The following PDE1C variants were observed in gnomAD, a reference collection of about 807,000 sequenced individuals.
PDE1C encodes phosphodiesterase 1C, also known as dual specificity calcium/calmodulin-dependent 3',5'-cyclic nucleotide phosphodiesterase 1C.
Under a neutral mutation model 93.1 loss-of-function variants are expected in PDE1C, and 62 were observed. The observed-to-expected ratio is 0.67, with a 90% confidence interval of 0.54 to 0.82. The LOEUF (loss-of-function observed/expected upper bound fraction) is 0.82. Among genes scored for constraint, PDE1C ranks in the 40% least tolerant of loss-of-function variants. PDE1C has a pLI of 0.00. For missense variants in PDE1C, 742 were observed against 884.6 expected, an observed-to-expected ratio of 0.84 and a Z score of 2.04; for synonymous variants, 325 against 310.1, an observed-to-expected ratio of 1.05 and a Z score of -0.50.
chr7:31,850,817 A>G (rs1270547003), intron 7 of PDE1C, 76 bp from the exon 8 acceptor site: 9 of 1,010,240 alleles, frequency 8.9e-6, no homozygotes, highest in Non-Finnish European at 1.3e-5. Flanking sequence ...ACACACCCAC[A>G]GTGCTGCCTT....
chr7:32,371,819 G>T (rs1178200494), intron 1 of PDE1C, among the ~76,000 whole-genome samples: 1 of 152,056 alleles, frequency 6.6e-6, no homozygotes, highest in Non-Finnish European at 1.5e-5. Flanking sequence ...CTTTTTTGCA[G>T]AAATTAACAA....
chr7:31,942,105 C>T (rs187253077), intron 2 of PDE1C, among the ~76,000 whole-genome samples: 12 of 152,126 alleles, frequency 7.9e-5, no homozygotes, highest in African/African-American at 1.9e-4. Context: ...TTTTTTCATT[C>T]GCCTCTAAAG....
At position 31,819,755 on chromosome 7, in the gene PDE1C, A is replaced by G. The variant is rs114784478; in HGVS notation, c.1582+3318T>C. Reference sequence around the variant, plus strand: ...TTTCTTTGTCTTCCTGAATAATGATACTATAGGGTCTCAGTTAAAAACTGT... The same window carrying G: ...TTTCTTTGTCTTCCTGAATAATGATGCTATAGGGTCTCAGTTAAAAACTGT... On this transcript the variant is annotated intron_variant, in intron 14 of 17. Coordinates refer to ENST00000396191, the MANE Select transcript of PDE1C (RefSeq NM_001191057.4). Among the ~76,000 whole-genome samples, 771 of 152,204 alleles carry G rather than the reference A, an allele frequency of 5.1e-3. 4 individuals are homozygous for G. Among genetic ancestry groups the G allele is most frequent in the African/African-American group, 0.018 (736 of 41,542 alleles).
intron 2 of PDE1C, among the ~76,000 whole-genome samples, chr7:31,963,322 G>A (rs1809322167): frequency 6.6e-6 from 1 of 152,054 alleles, no homozygotes; most frequent in Non-Finnish European, 1.5e-5. Context: ...ATTTTGCTCA[G>A]CAAATATCTG....
chr7:32,184,300 A>G (rs1803682166), intron 2 of PDE1C, among the ~76,000 whole-genome samples: 1 of 152,346 alleles, frequency 6.6e-6, no homozygotes, highest in East Asian at 1.9e-4. Flanking sequence ...ATTACTGGGT[A>G]TATACCCAAA....
At chr7:32,177,688 C>A (rs1023686605) in intron 2 of PDE1C, among the ~76,000 whole-genome samples, 1 of 152,200 alleles carries the variant, frequency 6.6e-6, no homozygotes, top group Non-Finnish European at 1.5e-5. Context: ...CTGAACCACA[C>A]TGAGGCTCTT....
intron 1 of PDE1C, among the ~76,000 whole-genome samples, chr7:32,420,365 GTGTATATATATGTGTA>G (rs1785401422): frequency 2.1e-4 from 1 of 4,668 alleles, no homozygotes; most frequent in Non-Finnish European, 5.7e-4. Context: ...ATATATATAT[GTGTATATATATGTGTA>G]TATATATATA....
chr7:32,326,226 T>A (rs1783400887), intron 1 of PDE1C, among the ~76,000 whole-genome samples: 1 of 152,250 alleles, frequency 6.6e-6, no homozygotes, highest in Non-Finnish European at 1.5e-5. Flanking sequence ...AACCATAGAT[T>A]AGACTCTATC....
intron 16 of PDE1C, among the ~76,000 whole-genome samples, chr7:31,798,591 T>C (rs945889244): frequency 6.6e-6 from 1 of 151,800 alleles, no homozygotes; most frequent in African/African-American, 2.4e-5. Flanking sequence ...CCTCTAAGAA[T>C]GGTAAATCCA....
intron 2 of PDE1C, among the ~76,000 whole-genome samples, chr7:32,007,757 A>G (rs1302535973): frequency 6.6e-6 from 1 of 152,192 alleles, no homozygotes; most frequent in Non-Finnish European, 1.5e-5. Context: ...TCATTCTACC[A>G]GCATGGAAAC....
chr7:32,340,147 TG>T (rs1783720886), intron 1 of PDE1C, among the ~76,000 whole-genome samples: 1 of 152,060 alleles, frequency 6.6e-6, no homozygotes, highest in African/African-American at 2.4e-5. Flanking sequence ...ATATGTGAGT[TG>T]GAACTATAGG....
At chr7:32,040,172 T>C (rs1272264290) in intron 2 of PDE1C, among the ~76,000 whole-genome samples, 1 of 152,218 alleles carries the variant, frequency 6.6e-6, no homozygotes, top group African/African-American at 2.4e-5. Flanking sequence ...TGATAACAAT[T>C]GCTAAAATGT....
At chr7:31,909,867 C>A (rs533282312) in intron 2 of PDE1C, among the ~76,000 whole-genome samples, 93 of 151,978 alleles carry the variant, frequency 6.1e-4, no homozygotes, top group African/African-American at 1.9e-3. Context: ...CGCAAATTGG[C>A]ACCATTAACA....
intron 2 of PDE1C, among the ~76,000 whole-genome samples, chr7:31,912,400 A>G (rs1801349060): frequency 1.3e-5 from 2 of 152,154 alleles, no homozygotes; most frequent in African/African-American, 4.8e-5. Flanking sequence ...AAACATAGAT[A>G]AAAGGCCGGG....
intron 3 of PDE1C, among the ~76,000 whole-genome samples, chr7:32,109,703 T>C (rs1294036535): frequency 6.6e-6 from 1 of 152,206 alleles, no homozygotes. Context: ...ATTCTCACTA[T>C]TCAACAAAGT....
intron 1 of PDE1C, among the ~76,000 whole-genome samples, chr7:32,248,809 A>G (rs1429682173): frequency 6.6e-6 from 1 of 152,196 alleles, no homozygotes; most frequent in African/African-American, 2.4e-5. Context: ...AAAAGAAAAC[A>G]TCTGGAGAGA....
intron 1 of PDE1C, among the ~76,000 whole-genome samples, chr7:32,376,415 C>G (rs748388543): frequency 9.2e-5 from 14 of 152,264 alleles, no homozygotes; most frequent in Non-Finnish European, 1.9e-4. Context: ...TCACAAAATG[C>G]AATGTCTCTG....
At chr7:32,326,089 T>A (rs986571058) in intron 1 of PDE1C, among the ~76,000 whole-genome samples, 1 of 151,872 alleles carries the variant, frequency 6.6e-6, no homozygotes, top group Non-Finnish European at 1.5e-5. Context: ...GACTTCAATG[T>A]TTTTGGCCTG....
chr7:32,219,765 C>G (rs2128852856), intron 1 of PDE1C, among the ~76,000 whole-genome samples: 1 of 152,336 alleles, frequency 6.6e-6, no homozygotes, highest in Non-Finnish European at 1.5e-5. Flanking sequence ...AAGCCAATCA[C>G]TAGCAGTTAA....
Sources: allele counts gnomAD v4.1 joint callset (sites outside exome capture counted in the v4.1 genomes callset), GRCh38; gene constraint gnomAD v4.1.1; transcripts MANE v1.5; gene names NCBI Gene and HGNC (gene_info 2026-07-23, HGNC 2026-07-21).